The following SLC35E3 variants were observed in gnomAD, a reference collection of about 807,000 sequenced individuals.
SLC35E3 encodes the protein solute carrier family 35 member E3.
SLC35E3 carries 28 observed loss-of-function variants against 30.8 expected under a neutral mutation model. That is an observed-to-expected ratio of 0.91 (90% CI 0.67 to 1.25). The LOEUF (loss-of-function observed/expected upper bound fraction) is 1.25. SLC35E3 is among the 50% of genes most tolerant of loss of function. The pLI is 0.00. For synonymous variants in SLC35E3, 146 were observed against 149.2 expected, an observed-to-expected ratio of 0.98 and a Z score of 0.16; for missense variants, 365 against 375.4, an observed-to-expected ratio of 0.97 and a Z score of 0.23.
rs1035623239 is a variant in SLC35E3 at position 68,769,699 on chromosome 12, A to T, written c.*4809A>T. ...AAAGAAAGGAGACCGGATTTATTAG[A>T]TGTGGTCCGTTTTGTCTTTCTGTTC... On this transcript the variant is annotated 3_prime_UTR_variant, in exon 5 of 5. Coordinates refer to ENST00000398004, the MANE Select transcript of SLC35E3 (RefSeq NM_018656.5). 1 of 152,204 alleles carries T rather than the reference A, an allele frequency of 6.6e-6. No individual in the cohort carries two copies. Among genetic ancestry groups the T allele is most frequent in the Non-Finnish European group, 1.5e-5 (1 of 68,040 alleles). 9.4% of individuals were successfully genotyped at this position (152,204 alleles called of 1,614,324 possible).
rs751202118 is a variant in SLC35E3 at position 68,777,809 on chromosome 12, G to GT, written c.*12920dup. ...CACTCAAGGTAGGGTCTGGGCCCCA[G>GT]TACCAGTCCATAAACAGTTTGCTGC... On this transcript the variant is annotated 3_prime_UTR_variant, in exon 5 of 5. Coordinates refer to ENST00000398004, the MANE Select transcript of SLC35E3 (RefSeq NM_018656.5). 7 of 152,428 alleles carry GT rather than the reference G, an allele frequency of 4.6e-5. No homozygotes were observed. The highest frequency in any genetic ancestry group is 3.4e-3 in the Middle Eastern group (1 of 294). 9.4% of individuals were successfully genotyped at this position (152,428 alleles called of 1,614,324 possible).
chr12:68,750,707 C>G (rs1044705624), intron 2 of SLC35E3, among the ~76,000 whole-genome samples: 10 of 152,334 alleles, frequency 6.6e-5, no homozygotes, highest in Non-Finnish European at 5.9e-5. Flanking sequence ...AGCACACACC[C>G]TCTGTATCCG....
chr12:68,751,371 C>T (rs1262011357), intron 2 of SLC35E3, among the ~76,000 whole-genome samples: 1 of 151,446 alleles, frequency 6.6e-6, no homozygotes, highest in Non-Finnish European at 1.5e-5. Flanking sequence ...GATCTCAGCT[C>T]ACTGCAACCT....
At chr12:68,759,633 G>A (rs1447665143) in intron 4 of SLC35E3, among the ~76,000 whole-genome samples, 2 of 151,888 alleles carry the variant, frequency 1.3e-5, no homozygotes, top group East Asian at 3.9e-4. Flanking sequence ...GAACTGGGGA[G>A]TCGGAGGTTA....
In SLC35E3 at chr12:68,769,966, A is replaced by G. The variant is rs1234769799; in HGVS notation, c.*5076A>G. On this transcript the variant is annotated 3_prime_UTR_variant, in exon 5 of 5. Coordinates refer to ENST00000398004, the MANE Select transcript of SLC35E3 (RefSeq NM_018656.5). ...CAAGAATAATTAAACAGCAAACTCA[A>G]TGAATGCTAAAGGGAACATCGTTCT... 6.6e-6 allele frequency: 1 copy of G among 152,224 alleles called. No individual in the cohort carries two copies. The highest frequency in any genetic ancestry group is 1.5e-5 in the Non-Finnish European group (1 of 68,048). The allele number at this position is 152,224 out of a possible 1,614,324, so 9.4% of individuals were successfully genotyped here. A position where few individuals can be genotyped will look rare whatever the true frequency, so the allele number is the denominator to read the frequency against.
At chr12:68,753,292 T>A (rs1326239325) in intron 3 of SLC35E3, among the ~76,000 whole-genome samples, 8 of 146,152 alleles carry the variant, frequency 5.5e-5, no homozygotes, top group Admixed American at 1.4e-4. Context: ...AGAAAAAAAA[T>A]AAATAAATAA....
rs1288038740 is a variant in SLC35E3 at position 68,776,717 on chromosome 12, T to C, written c.*11827T>C. 1 of 151,964 alleles carries C rather than the reference T, an allele frequency of 6.6e-6. No homozygotes were observed. Among genetic ancestry groups the C allele is most frequent in the Non-Finnish European group, 1.5e-5 (1 of 68,290 alleles). 9.4% of individuals were successfully genotyped at this position (151,964 alleles called of 1,614,324 possible). A position where few individuals can be genotyped will look rare whatever the true frequency, so the allele number is the denominator to read the frequency against. ...AAAAAAAAAAACAAAAACTAGTAGC[T>C]AGCCCCACCCCCGCCATTTTTCCAG... is the stretch of plus-strand genomic sequence containing the variant. On this transcript the variant is annotated 3_prime_UTR_variant, in exon 5 of 5. Transcript: ENST00000398004.
rs181967066 is a variant in SLC35E3, at chr12:68,746,205, G to C, written c.-173G>C. ...TAGCTGGCTTACAGGGCGGCGGCGG[G>C]GTGTGTGTCCTCTGTTAAGAGTGCT... On this transcript the variant is annotated 5_prime_UTR_variant, in exon 1 of 5. Transcript: ENST00000398004. 5.8e-4 allele frequency: 314 copies of C among 537,782 alleles called. 2 individuals are homozygous for C. The East Asian group carries it at 9.4e-3, about 16-fold the overall frequency. The allele number at this position is 537,782 out of a possible 1,614,324, so 33.3% of individuals were successfully genotyped here.
Position 68,746,477 on chromosome 12 carries a change from T to TG in SLC35E3, c.102dup (p.Ile35AspfsTer58). ...CATCTGCATTGTGTTCCTCAACAAA[T>TG]GGATTTATGTGTACCACGGCTTCCC... On this transcript the variant is annotated frameshift_variant, in exon 1 of 5. Coordinates refer to ENST00000398004, the MANE Select transcript of SLC35E3 (RefSeq NM_018656.5). LOFTEE classifies it high-confidence loss of function. The TG allele has an allele frequency of 6.2e-6, 10 of 1,614,210 alleles. No individual in the cohort carries two copies. The highest frequency in any genetic ancestry group is 8.5e-6 in the Non-Finnish European group (10 of 1,180,026).
rs548772314 is a variant in SLC35E3, at chr12:68,775,249, G to A, written c.*10359G>A. 6.6e-6 allele frequency: 1 copy of A among 152,300 alleles called. No homozygotes were observed. Among genetic ancestry groups the A allele is most frequent in the South Asian group, 2.1e-4 (1 of 4,830 alleles). The allele number at this position is 152,300 out of a possible 1,614,324, so 9.4% of individuals were successfully genotyped here. A position where few individuals can be genotyped will look rare whatever the true frequency, so the allele number is the denominator to read the frequency against. ...GGACCTGCTCTGTCTGTCGGACTTTGGAACTCAGGAAGCAACAACTAAGCG... is the reference window on the plus strand; with the variant it reads ...GGACCTGCTCTGTCTGTCGGACTTTAGAACTCAGGAAGCAACAACTAAGCG... On this transcript the variant is annotated 3_prime_UTR_variant, in exon 5 of 5. Transcript: ENST00000398004.
chr12:68,747,255 A>G (rs898588911), intron 1 of SLC35E3, among the ~76,000 whole-genome samples: 1 of 150,704 alleles, frequency 6.6e-6, no homozygotes, highest in African/African-American at 2.4e-5. Flanking sequence ...TAACTTATTT[A>G]AGGTCTTTTT....
At chr12:68,758,547 A>C (rs1448085986) in intron 3 of SLC35E3, among the ~76,000 whole-genome samples, 1 of 152,016 alleles carries the variant, frequency 6.6e-6, no homozygotes, top group Non-Finnish European at 1.5e-5. Context: ...ATAATAATGC[A>C]TATGTATACT....
chr12:68,761,088 C>T (rs1879218825), intron 4 of SLC35E3, among the ~76,000 whole-genome samples: 1 of 152,122 alleles, frequency 6.6e-6, no homozygotes, highest in Admixed American at 6.6e-5. Flanking sequence ...CCAAGGAAGC[C>T]TGTGTGGTTA....
rs1460609143 is a variant in SLC35E3 at position 68,780,165 on chromosome 12, T to C, written c.*15275T>C. 2 of 152,128 alleles carry C rather than the reference T, an allele frequency of 1.3e-5. No individual in the cohort carries two copies. The highest frequency in any genetic ancestry group is 1.3e-4 in the Admixed American group (2 of 15,262). 9.4% of individuals were successfully genotyped at this position (152,128 alleles called of 1,614,324 possible). A position where few individuals can be genotyped will look rare whatever the true frequency, so the allele number is the denominator to read the frequency against. ...TTAACAATTTCTAAAATCACACTTT[T>C]TAATTTATTTTGTATTTTTTTGAGA... is the stretch of plus-strand genomic sequence containing the variant. On this transcript the variant is annotated 3_prime_UTR_variant, in exon 5 of 5. Transcript: ENST00000398004.
chr12:68,764,728 G>A lies in SLC35E3; in HGVS notation c.780G>A (p.Lys260=), dbSNP rs1382560442. The A allele has an allele frequency of 2.5e-6, 4 of 1,613,830 alleles. No homozygotes were observed. Among genetic ancestry groups the A allele is most frequent in the Admixed American group, 1.7e-5 (1 of 59,956 alleles). Residue 260 remains lysine (K), a synonymous_variant, in exon 5 of 5, where the codon AAG becomes AAA. Coordinates refer to ENST00000398004, the MANE Select transcript of SLC35E3 (RefSeq NM_018656.5). The part of the protein sequence containing the change: ...PVTYNMFGHF[K]FCITLFGGYV... Reference sequence around the variant, plus strand: ...GCTATAACATGTTCGGACACTTCAAGTTCTGCATTACTTTATTCGGAGGAT... The same window carrying A: ...GCTATAACATGTTCGGACACTTCAAATTCTGCATTACTTTATTCGGAGGAT...
chr12:68,752,030 A>G lies in SLC35E3; in HGVS notation c.514-2A>G. ...AGACATGTTTTATCTCCTAATTTTC[A>G]GTGGGTAGGAGCCAAACAGCATGAA... On this transcript the variant is annotated splice_acceptor_variant, in intron 2 of 4. Transcript: ENST00000398004. LOFTEE classifies it high-confidence loss of function. 1 of 1,569,100 alleles carries G rather than the reference A, an allele frequency of 6.4e-7. No individual in the cohort carries two copies. Among genetic ancestry groups the G allele is most frequent in the Non-Finnish European group, 8.6e-7 (1 of 1,162,448 alleles).
At chr12:68,758,729 CTTTTTTTTTTTTTT>C (rs776771224) in intron 3 of SLC35E3, among the ~76,000 whole-genome samples, 4 of 48,422 alleles carry the variant, frequency 8.3e-5, no homozygotes, top group South Asian at 1.4e-3. Context: ...AATTCTCTTT[CTTTTTTTTTTTTTT>C]TTTTTTTTTT....
intron 3 of SLC35E3, among the ~76,000 whole-genome samples, chr12:68,756,714 A>G (rs1444437217): frequency 6.6e-6 from 1 of 152,230 alleles, no homozygotes; most frequent in Non-Finnish European, 1.5e-5. Context: ...CAAAAATCAC[A>G]TGATCGGCCA....
At chr12:68,750,205 C>T (rs1408000553) in intron 2 of SLC35E3, among the ~76,000 whole-genome samples, 1 of 152,172 alleles carries the variant, frequency 6.6e-6, no homozygotes, top group Non-Finnish European at 1.5e-5. Flanking sequence ...TTATTGGAAA[C>T]ACACAAGAGG....
Sources: gnomAD v4.1 joint callset for allele counts (sites outside exome capture counted in the v4.1 genomes callset) on GRCh38, gnomAD v4.1.1 for gene constraint, MANE v1.5 for transcripts, NCBI Gene and HGNC (gene_info 2026-07-23, HGNC 2026-07-21) for gene names.